The following PTPRD variants were observed in gnomAD, a reference collection of about 807,000 sequenced individuals.
The protein encoded by PTPRD is receptor-type tyrosine-protein phosphatase delta.
Under a neutral mutation model 214.5 loss-of-function variants are expected in PTPRD, and 34 were observed. The ratio of observed to expected loss-of-function variants is 0.16; its 90% CI spans 0.12 to 0.21. The LOEUF (loss-of-function observed/expected upper bound fraction) is 0.21, where lower values mean the gene tolerates loss of function less well. Ranked by LOEUF, PTPRD falls within the 10% of genes least tolerant of loss-of-function variation. The pLI is 1.00. For missense variants in PTPRD, 2,545 were observed against 2,398.7 expected, an observed-to-expected ratio of 1.06 and a Z score of -1.27; for synonymous variants, 1,128 against 845.7, an observed-to-expected ratio of 1.33 and a Z score of -5.79.
intron 5 of PTPRD, among the ~76,000 whole-genome samples, chr9:9,883,216 G>T (rs1386982187): frequency 6.6e-6 from 1 of 152,000 alleles, no homozygotes; most frequent in Non-Finnish European, 1.5e-5. Flanking sequence ...ACACAAGAAA[G>T]ATAGGCCCCA....
At chr9:9,135,458 T>A (rs1032892094) in intron 10 of PTPRD, among the ~76,000 whole-genome samples, 1 of 152,206 alleles carries the variant, frequency 6.6e-6, no homozygotes, top group East Asian at 1.9e-4. Flanking sequence ...ATTTTCCCTG[T>A]GATGGCTGCC....
chr9:10,358,616 A>G (rs918036555), intron 2 of PTPRD, among the ~76,000 whole-genome samples: 1 of 151,988 alleles, frequency 6.6e-6, no homozygotes, highest in Non-Finnish European at 1.5e-5. Context: ...AGAGTTAGAA[A>G]AAGATATCCT....
At chr9:8,716,447 G>A (rs1394458618) in intron 12 of PTPRD, among the ~76,000 whole-genome samples, 1 of 152,164 alleles carries the variant, frequency 6.6e-6, no homozygotes, top group Non-Finnish European at 1.5e-5. Flanking sequence ...AATGTTTGCT[G>A]CCAATTCTTA....
chr9:10,385,114 AG>A (rs2097891901), intron 2 of PTPRD, among the ~76,000 whole-genome samples: 1 of 151,860 alleles, frequency 6.6e-6, no homozygotes, highest in South Asian at 2.1e-4. Context: ...TTGTAGTATT[AG>A]GTTCTTCAAA....
intron 11 of PTPRD, chr9:8,958,923 G>A (rs1224231157): frequency 6.6e-6 from 1 of 151,918 alleles, no homozygotes; most frequent in African/African-American, 2.4e-5. Flanking sequence ...CCTACTATGT[G>A]AGCCAATGAA....
At chr9:10,596,657 T>A (rs1360366071) in intron 2 of PTPRD, among the ~76,000 whole-genome samples, 1 of 151,660 alleles carries the variant, frequency 6.6e-6, no homozygotes, top group African/African-American at 2.4e-5. Flanking sequence ...AGTGTAATGA[T>A]AAACATCCCT....
chr9:10,249,511 A>G (rs2092573793), intron 3 of PTPRD, among the ~76,000 whole-genome samples: 1 of 152,158 alleles, frequency 6.6e-6, no homozygotes, highest in Admixed American at 6.6e-5. Flanking sequence ...TGCCTGAGTA[A>G]TTACTCTGTC....
chr9:9,784,738 G>A (rs2098904509), intron 5 of PTPRD, among the ~76,000 whole-genome samples: 1 of 151,382 alleles, frequency 6.6e-6, no homozygotes, highest in East Asian at 1.9e-4. Flanking sequence ...TATTGTCCAT[G>A]TTTATTACCA....
chr9:8,795,466 C>T (rs966073076), intron 11 of PTPRD, among the ~76,000 whole-genome samples: 20 of 152,036 alleles, frequency 1.3e-4, no homozygotes, highest in Non-Finnish European at 2.6e-4. Flanking sequence ...CCACACCCAG[C>T]CAATGAAAAA....
chr9:10,167,398 C>A (rs1049999198), intron 3 of PTPRD, among the ~76,000 whole-genome samples: 1 of 152,112 alleles, frequency 6.6e-6, no homozygotes, highest in African/African-American at 2.4e-5. Context: ...TTCCCTTTCA[C>A]TTATTCTTCT....
chr9:9,573,622 T>C (rs890185339), intron 8 of PTPRD, among the ~76,000 whole-genome samples: 1 of 151,754 alleles, frequency 6.6e-6, no homozygotes, highest in Non-Finnish European at 1.5e-5. Context: ...TCAGGTATAT[T>C]TGTGAAATAT....
At chr9:8,848,381 A>C (rs542422115) in intron 11 of PTPRD, among the ~76,000 whole-genome samples, 23 of 144,656 alleles carry the variant, frequency 1.6e-4, no homozygotes, top group Non-Finnish European at 3.3e-4. Context: ...TGTTATACAG[A>C]CTAGAATGCA....
intron 11 of PTPRD, among the ~76,000 whole-genome samples, chr9:8,770,366 ATCTAT>A (rs1309392711): frequency 6.6e-6 from 1 of 152,096 alleles, no homozygotes; most frequent in Non-Finnish European, 1.5e-5. Flanking sequence ...ACGATCCACT[ATCTAT>A]TCTAATACAA....
At chr9:9,254,805 G>A (rs983488905) in intron 9 of PTPRD, among the ~76,000 whole-genome samples, 1 of 151,964 alleles carries the variant, frequency 6.6e-6, no homozygotes, top group Non-Finnish European at 1.5e-5. Context: ...TTTTGTTCCT[G>A]TATTCAGTTC....
At chr9:9,784,439 A>T (rs1315021497) in intron 5 of PTPRD, among the ~76,000 whole-genome samples, 3 of 152,090 alleles carry the variant, frequency 2.0e-5, no homozygotes, top group Admixed American at 6.5e-5. Context: ...AAGGAAAAAG[A>T]TATTATTTTA....
intron 10 of PTPRD, among the ~76,000 whole-genome samples, chr9:9,092,835 A>G (rs1406100604): frequency 1.3e-5 from 2 of 152,080 alleles, no homozygotes; most frequent in African/African-American, 4.8e-5. Flanking sequence ...CAACCATACC[A>G]ATAATTTCAT....
At chr9:9,502,985 T>C (rs1191733956) in intron 8 of PTPRD, among the ~76,000 whole-genome samples, 2 of 151,756 alleles carry the variant, frequency 1.3e-5, no homozygotes, top group African/African-American at 4.8e-5. Context: ...TCTTGTGTCT[T>C]GATTGGTGGG....
At chr9:9,638,715 T>C (rs2095848210) in intron 7 of PTPRD, among the ~76,000 whole-genome samples, 1 of 152,184 alleles carries the variant, frequency 6.6e-6, no homozygotes, top group Non-Finnish European at 1.5e-5. Flanking sequence ...ACTTCTCTGG[T>C]ATCAACTTCT....
At chr9:10,188,081 T>G (rs1253813359) in intron 3 of PTPRD, among the ~76,000 whole-genome samples, 1 of 152,208 alleles carries the variant, frequency 6.6e-6, no homozygotes, top group African/African-American at 2.4e-5. Context: ...TCTGCTAACA[T>G]TATTTAACAT....
Sources: allele counts gnomAD v4.1 joint callset (sites outside exome capture counted in the v4.1 genomes callset), GRCh38; gene constraint gnomAD v4.1.1; transcripts MANE v1.5; gene names NCBI Gene and HGNC (gene_info 2026-07-23, HGNC 2026-07-21).